The following FGF14 variants were observed in gnomAD, a reference collection of about 807,000 sequenced individuals.
FGF14 encodes fibroblast growth factor homologous factor 4.
Under a neutral mutation model 25.5 loss-of-function variants are expected in FGF14, and 5 were observed. That is an observed-to-expected ratio of 0.20 (90% CI 0.10 to 0.41). The LOEUF is 0.41. Ranked by LOEUF, FGF14 falls within the 10% of genes least tolerant of loss-of-function variation. The probability of loss-of-function intolerance (pLI) is 1.00; values close to 1 mark genes in which losing one functional copy is unlikely to be tolerated. For missense variants in FGF14, 222 were observed against 320.1 expected (o/e 0.69, Z 2.34); for synonymous variants, 138 against 118.3 (o/e 1.17, Z -1.08).
rs1461919659 is a variant in FGF14 at position 101,718,875 on chromosome 13, A to C, written c.*3956T>G. 6.6e-6 allele frequency: 1 copy of C among 152,058 alleles called. No homozygotes were observed. The highest frequency in any genetic ancestry group is 1.9e-4 in the East Asian group (1 of 5,168). 9.4% of individuals were successfully genotyped at this position (152,058 alleles called of 1,614,324 possible). A position where few individuals can be genotyped will look rare whatever the true frequency, so the allele number is the denominator to read the frequency against. On this transcript the variant is annotated 3_prime_UTR_variant, in exon 5 of 5. Transcript: ENST00000376143. ...CTACTCCATATTCAAGAGAGTCAAC[A>C]GGCCCTATGTCACATTGTAGGCTAA...
At chr13:102,019,887 G>T (rs926403280) in intron 1 of FGF14, among the ~76,000 whole-genome samples, 6 of 152,138 alleles carry the variant, frequency 3.9e-5, no homozygotes, top group African/African-American at 1.4e-4. Context: ...TTCAACGCAG[G>T]TGTGAACATT....
intron 1 of FGF14, among the ~76,000 whole-genome samples, chr13:102,236,955 G>C (rs905468853): frequency 6.6e-6 from 1 of 152,074 alleles, no homozygotes; most frequent in South Asian, 2.1e-4. Context: ...GGAGTGCTGA[G>C]AGTTGGTTGC....
intron 3 of FGF14, among the ~76,000 whole-genome samples, chr13:101,778,583 C>T (rs1391420485): frequency 3.3e-5 from 5 of 152,152 alleles, no homozygotes; most frequent in Admixed American, 2.6e-4. Context: ...CTGGCTGTAA[C>T]ATCCTTCTCC....
chr13:101,829,898 G>T (rs1869058958), intron 3 of FGF14, among the ~76,000 whole-genome samples: 1 of 151,998 alleles, frequency 6.6e-6, no homozygotes, highest in Admixed American at 6.6e-5. Flanking sequence ...TGAAAATGAG[G>T]CTCACAATTT....
intron 3 of FGF14, among the ~76,000 whole-genome samples, chr13:101,731,281 A>T (rs1435700707): frequency 6.6e-6 from 1 of 152,206 alleles, no homozygotes; most frequent in African/African-American, 2.4e-5. Flanking sequence ...CTTAAATATA[A>T]ACTCTTTGAA....
At chr13:101,810,178 C>T (rs1156644491) in intron 3 of FGF14, among the ~76,000 whole-genome samples, 1 of 152,158 alleles carries the variant, frequency 6.6e-6, no homozygotes, top group Non-Finnish European at 1.5e-5. Flanking sequence ...GGGCCATGTT[C>T]ATTAAGCCAT....
At chr13:102,041,408 C>T (rs1362282258) in intron 1 of FGF14, among the ~76,000 whole-genome samples, 1 of 151,510 alleles carries the variant, frequency 6.6e-6, no homozygotes, top group African/African-American at 2.4e-5. Context: ...CAAGCTGATA[C>T]ATATATGTTT....
chr13:101,738,677 G>A (rs991282670), intron 3 of FGF14, among the ~76,000 whole-genome samples: 1 of 152,092 alleles, frequency 6.6e-6, no homozygotes, highest in Admixed American at 6.5e-5. Context: ...AGCTGGAGCT[G>A]TGAAAGTTCA....
intron 1 of FGF14, among the ~76,000 whole-genome samples, chr13:102,303,318 T>C (rs1327986355): frequency 6.6e-6 from 1 of 152,204 alleles, no homozygotes; most frequent in Non-Finnish European, 1.5e-5. Flanking sequence ...TTTTCTGTTT[T>C]ATTTTCTTTA....
chr13:101,894,809 C>G (rs138824544), intron 1 of FGF14, among the ~76,000 whole-genome samples: 5 of 152,260 alleles, frequency 3.3e-5, no homozygotes, highest in African/African-American at 9.6e-5. Flanking sequence ...GTAATTGAAA[C>G]TGACAAAGAT....
chr13:101,883,329 AT>A (rs1442483628), intron 1 of FGF14, among the ~76,000 whole-genome samples: 1 of 152,210 alleles, frequency 6.6e-6, no homozygotes, highest in Non-Finnish European at 1.5e-5. Flanking sequence ...TATCTCTAGA[AT>A]TCTGCAACAC....
At chr13:101,900,739 G>T (rs545090775) in intron 1 of FGF14, among the ~76,000 whole-genome samples, 1 of 152,046 alleles carries the variant, frequency 6.6e-6, no homozygotes, top group Non-Finnish European at 1.5e-5. Flanking sequence ...TTCTTGATCC[G>T]CATGGTCTTC....
At chr13:101,735,305 ATCAC>A (rs749822135) in intron 3 of FGF14, among the ~76,000 whole-genome samples, 1 of 152,192 alleles carries the variant, frequency 6.6e-6, no homozygotes, top group Non-Finnish European at 1.5e-5. Flanking sequence ...ATTTCACTGA[ATCAC>A]TCATTCAACT....
chr13:102,038,626 T>C (rs1277155189), intron 1 of FGF14, among the ~76,000 whole-genome samples: 1 of 152,148 alleles, frequency 6.6e-6, no homozygotes, highest in African/African-American at 2.4e-5. Flanking sequence ...TTTATTCTTA[T>C]CTTACTCATC....
intron 1 of FGF14, among the ~76,000 whole-genome samples, chr13:102,274,948 C>G (rs1170721163): frequency 6.6e-6 from 1 of 150,656 alleles, no homozygotes; most frequent in Non-Finnish European, 1.5e-5. Flanking sequence ...GCATTTTACT[C>G]GTAATAGCAT....
rs1442193370 is a variant in FGF14, at chr13:101,719,796, G to A, written c.*3035C>T. 2 of 152,018 alleles carry A rather than the reference G, an allele frequency of 1.3e-5. No homozygotes were observed. Among genetic ancestry groups the A allele is most frequent in the Admixed American group, 6.6e-5 (1 of 15,234 alleles). The allele number at this position is 152,018 out of a possible 1,614,324, so 9.4% of individuals were successfully genotyped here. A position where few individuals can be genotyped will look rare whatever the true frequency, so the allele number is the denominator to read the frequency against. ...GTCTAAATACAAATGAATTCCATCA[G>A]ATTTACTATACGGAACATCAGTAGT... is the stretch of plus-strand genomic sequence containing the variant. On this transcript the variant is annotated 3_prime_UTR_variant, in exon 5 of 5. Transcript: ENST00000376143.
chr13:102,228,667 TA>T (rs907375346), intron 1 of FGF14, among the ~76,000 whole-genome samples: 1 of 152,176 alleles, frequency 6.6e-6, no homozygotes, highest in African/African-American at 2.4e-5. Flanking sequence ...TTGGCTATAA[TA>T]ATTCCCATTT....
rs1487460950 is a variant in FGF14 at position 102,323,965 on chromosome 13, G to A, written c.208+77506C>T. ...GGATCCCAACGTGCAGTATGTGTGT[G>A]TGTGTGTGTGTGTGTGTGTGTGTGT... On this transcript the variant is annotated intron_variant, in intron 1 of 4. Transcript: ENST00000376131. 3.4e-3 allele frequency among the ~76,000 whole-genome samples: 398 copies of A among 115,912 alleles called. 5 individuals are homozygous for A. The highest frequency in any genetic ancestry group is 0.016 in the African/African-American group (373 of 23,238). 76.0% of individuals were successfully genotyped at this position (115,912 alleles called of 152,430 possible). A position where few individuals can be genotyped will look rare whatever the true frequency, so the allele number is the denominator to read the frequency against.
At chr13:102,309,131 A>AACACAC (rs1247982990) in intron 1 of FGF14, among the ~76,000 whole-genome samples, 3 of 50,136 alleles carry the variant, frequency 6.0e-5, no homozygotes, top group Admixed American at 2.2e-4. Context: ...ATACATGCAT[A>AACACAC]ACATACACAC....
Sources: allele counts gnomAD v4.1 joint callset (sites outside exome capture counted in the v4.1 genomes callset), GRCh38; gene constraint gnomAD v4.1.1; transcripts MANE v1.5; gene names NCBI Gene and HGNC (gene_info 2026-07-23, HGNC 2026-07-21).